The following MYO18B variants were observed in gnomAD, a reference collection of about 807,000 sequenced individuals.
The protein encoded by MYO18B is unconventional myosin-XVIIIb.
Under a neutral mutation model 273.0 loss-of-function variants are expected in MYO18B, and 204 were observed. The observed-to-expected ratio is 0.75, with a 90% CI of 0.67 to 0.84. MYO18B has a LOEUF of 0.84. Ranked by LOEUF, MYO18B falls within the 40% of genes least tolerant of loss-of-function variation. The pLI is 0.00. For synonymous variants in MYO18B, 1,330 were observed against 1,305.7 expected (o/e 1.02, Z -0.40); for missense variants, 3,212 against 3,287.6 (o/e 0.98, Z 0.56).
chr22:25,856,663 T>C (rs1199277189), intron 21 of MYO18B, among the ~76,000 whole-genome samples: 1 of 152,180 alleles, frequency 6.6e-6, no homozygotes, highest in Non-Finnish European at 1.5e-5. Flanking sequence ...GACATTCTCA[T>C]GTTGGGTACA....
chr22:25,785,894 G>T (rs143087877), intron 11 of MYO18B, among the ~76,000 whole-genome samples: 1 of 152,116 alleles, frequency 6.6e-6, no homozygotes, highest in Non-Finnish European at 1.5e-5. Flanking sequence ...TGTGTATAAC[G>T]TGCTTAGAAC....
rs762745836 is a variant in MYO18B at position 25,890,832 on chromosome 22, G to A, written c.4391G>A (p.Arg1464Gln). 9.4e-5 allele frequency: 152 copies of A among 1,613,790 alleles called. No homozygotes were observed. Among genetic ancestry groups the A allele is most frequent in the Middle Eastern group, 1.6e-4 (1 of 6,084 alleles). Residue 1464 changes from arginine to glutamine, a missense_variant, in exon 26 of 44, where the codon CGG becomes CAG. Transcript: ENST00000335473. ...GCCTGCCAGGTGCTGGAGAGTGAGC[G>A]GGCAGAGCGGCTACAGGCCTTCCGG... The part of the protein sequence containing the change: ...DVACQVLESE[R>Q]AERLQAFREV...
intron 29 of MYO18B, 151 bp from the exon 30 acceptor site, chr22:25,902,462 A>T: frequency 1.1e-6 from 1 of 896,164 alleles, no homozygotes; most frequent in Non-Finnish European, 1.6e-6. Context: ...CCAACTTCTC[A>T]TACTTTCTCT....
At chr22:25,756,667 G>A (rs1465781592) in intron 1 of MYO18B, 1 of 152,270 alleles carries the variant, frequency 6.6e-6, no homozygotes, top group East Asian at 1.9e-4. Flanking sequence ...GGGCTCACCA[G>A]CTTCCAGGAT....
At chr22:25,996,138 G>C (rs948044469) in intron 40 of MYO18B, among the ~76,000 whole-genome samples, 1 of 152,218 alleles carries the variant, frequency 6.6e-6, no homozygotes, top group East Asian at 1.9e-4. Flanking sequence ...GTTAATTTCT[G>C]CGTGACCTTG....
intron 12 of MYO18B, among the ~76,000 whole-genome samples, chr22:25,805,366 G>A (rs1370124557): frequency 6.6e-6 from 1 of 152,218 alleles, no homozygotes; most frequent in African/African-American, 2.4e-5. Flanking sequence ...CAAAAAGGAT[G>A]GTCAAAGGAC....
At position 25,940,330 on chromosome 22, in the gene MYO18B, T is replaced by C. The variant is rs2092629869; in HGVS notation, c.5518-5807T>C. On this transcript the variant is annotated intron_variant, in intron 34 of 43. Coordinates refer to ENST00000335473, the MANE Select transcript of MYO18B (RefSeq NM_032608.7). ...GGGGAGTTTCCCTGCACATGCCCTC[T>C]TGATTGCACCCATGTAAGACATGCC... Among the ~76,000 whole-genome samples, 3 of 152,300 alleles carry C rather than the reference T, an allele frequency of 2.0e-5. No individual in the cohort carries two copies. In the South Asian group the frequency reaches 6.2e-4, roughly 32 times the overall value.
At chr22:25,886,324 T>C (rs558917385) in intron 25 of MYO18B, among the ~76,000 whole-genome samples, 1 of 152,350 alleles carries the variant, frequency 6.6e-6, no homozygotes, top group Admixed American at 6.5e-5. Context: ...CCCGGGAGCC[T>C]GCCACTAAGC....
chr22:25,859,323 G>A (rs1377039890), intron 21 of MYO18B, among the ~76,000 whole-genome samples: 1 of 152,140 alleles, frequency 6.6e-6, no homozygotes, highest in Non-Finnish European at 1.5e-5. Context: ...AGGATGTTGT[G>A]AACATTTGCA....
At position 25,980,602 on chromosome 22, in the gene MYO18B, C is replaced by G. The variant is rs187987385; in HGVS notation, c.6157-11761C>G. On this transcript the variant is annotated intron_variant, in intron 39 of 43. Coordinates refer to ENST00000335473, the MANE Select transcript of MYO18B (RefSeq NM_032608.7). Reference sequence around the variant, plus strand: ...CAGAAATCAACACAGGATGGAAATACACCAACATATTCATGAAAAGCAGTT... The same window carrying G: ...CAGAAATCAACACAGGATGGAAATAGACCAACATATTCATGAAAAGCAGTT... 7.0e-4 allele frequency among the ~76,000 whole-genome samples: 106 copies of G among 152,304 alleles called. 2 individuals are homozygous for G. Among genetic ancestry groups the G allele is most frequent in the Admixed American group, 3.3e-3 (51 of 15,308 alleles).
intron 1 of MYO18B, among the ~76,000 whole-genome samples, chr22:25,754,867 G>A (rs1449459981): frequency 1.3e-5 from 2 of 152,220 alleles, no homozygotes; most frequent in Admixed American, 6.5e-5. Context: ...CTCTGGGAAG[G>A]CTGGCAGCCT....
intron 33 of MYO18B, among the ~76,000 whole-genome samples, chr22:25,914,707 TTTTTTTTG>T (rs1224055684): frequency 7.7e-6 from 1 of 129,786 alleles, no homozygotes; most frequent in Non-Finnish European, 1.6e-5. Context: ...TTTTTTTTTT[TTTTTTTTG>T]AGATGGAGTC....
At chr22:25,890,961 A>G (rs1028118422) in intron 26 of MYO18B, 86 bp downstream of exon 26, 3 of 1,514,474 alleles carry the variant, frequency 2.0e-6, no homozygotes, top group Middle Eastern at 4.3e-4. Context: ...ATTGGAGATC[A>G]GTAAGCTTAA....
Position 25,955,347 on chromosome 22 carries a change from C to CGGCG in MYO18B, c.6141_6144dup (p.Cys2049AlafsTer44). On this transcript the variant is annotated frameshift_variant, in exon 39 of 44. Coordinates refer to ENST00000335473, the MANE Select transcript of MYO18B (RefSeq NM_032608.7). LOFTEE classifies it high-confidence loss of function. ...GGTGCAGCGGGAGGCAGAGGCCAGC[C>CGGCG]GGCGGTGCATGGAGCTGGTGAGTCC... The CGGCG allele has an allele frequency of 6.2e-7, 1 of 1,613,196 alleles. No individual in the cohort carries two copies. The highest frequency in any genetic ancestry group is 8.5e-7 in the Non-Finnish European group (1 of 1,179,630).
intron 12 of MYO18B, among the ~76,000 whole-genome samples, chr22:25,809,860 G>A (rs959340531): frequency 1.1e-4 from 16 of 151,686 alleles, no homozygotes; most frequent in African/African-American, 3.9e-4. Flanking sequence ...CAGAGGGACT[G>A]TTAACATAAC....
chr22:25,775,698 A>G (rs1044871383), intron 7 of MYO18B, among the ~76,000 whole-genome samples: 62 of 152,092 alleles, frequency 4.1e-4, no homozygotes, highest in African/African-American at 1.5e-3. Flanking sequence ...CTGGCCGCCC[A>G]GTCAGTCTTC....
intron 35 of MYO18B, 135 bp from the exon 36 acceptor site, chr22:25,947,577 C>T: frequency 1.6e-6 from 1 of 616,798 alleles, no homozygotes; most frequent in East Asian, 2.9e-5. Context: ...CATTGGTAAC[C>T]ACAGCCACTC....
intron 39 of MYO18B, among the ~76,000 whole-genome samples, chr22:25,957,353 T>C (rs918873245): frequency 6.6e-6 from 1 of 152,210 alleles, no homozygotes; most frequent in Non-Finnish European, 1.5e-5. Flanking sequence ...CCTGAAATAC[T>C]GAAAAGATTA....
intron 31 of MYO18B, among the ~76,000 whole-genome samples, chr22:25,904,213 A>G (rs2091994161): frequency 6.6e-6 from 1 of 152,162 alleles, no homozygotes; most frequent in Non-Finnish European, 1.5e-5. Context: ...ATGAAGTCAG[A>G]TTGTTTTTCT....
Sources: allele counts gnomAD v4.1 joint callset (sites outside exome capture counted in the v4.1 genomes callset), GRCh38; gene constraint gnomAD v4.1.1; transcripts MANE v1.5; gene names NCBI Gene and HGNC (gene_info 2026-07-23, HGNC 2026-07-21).